The following TSHR variants were observed in gnomAD, a reference collection of about 807,000 sequenced individuals.
The protein encoded by TSHR is thyrotropin receptor.
A neutral mutation model predicts 64.1 loss-of-function variants in TSHR; 51 were observed. The observed-to-expected ratio is 0.80, with a 90% CI of 0.64 to 1.01. The LOEUF is 1.01. Among genes scored for constraint, TSHR ranks in the 50% least tolerant of loss-of-function variants. TSHR has a pLI of 0.00. For missense variants in TSHR, 877 were observed against 942.8 expected (o/e 0.93, Z 0.91); for synonymous variants, 361 against 361.9 (o/e 1.00, Z 0.03).
chr14:80,977,896 G>C (rs1887960135), intron 1 of TSHR, among the ~76,000 whole-genome samples: 4 of 151,980 alleles, frequency 2.6e-5, no homozygotes, highest in Admixed American at 2.6e-4. Flanking sequence ...TTAGTCTTCA[G>C]CTCTTTCTAA....
chr14:81,089,202 G>A (rs1888531944), intron 4 of TSHR, among the ~76,000 whole-genome samples: 1 of 152,036 alleles, frequency 6.6e-6, no homozygotes. Flanking sequence ...TGGCCAGGCT[G>A]GTGTCGAACT....
chr14:80,996,315 C>T (rs1345153202), intron 1 of TSHR, among the ~76,000 whole-genome samples: 1 of 152,142 alleles, frequency 6.6e-6, no homozygotes, highest in Non-Finnish European at 1.5e-5. Context: ...CATCCTCCCT[C>T]TTTCCTCCCA....
At chr14:80,978,777 C>T (rs1035144) in intron 1 of TSHR, among the ~76,000 whole-genome samples, 75,353 of 151,872 alleles carry the variant, frequency 0.5, 18,992 homozygotes, top group East Asian at 0.65. Context: ...CCCATTTTCT[C>T]TTTCATCTTC....
chr14:81,035,620 G>A (rs1453082333), intron 1 of TSHR, among the ~76,000 whole-genome samples: 3 of 152,190 alleles, frequency 2.0e-5, no homozygotes, highest in Non-Finnish European at 4.4e-5. Flanking sequence ...AATTACTGAT[G>A]TGAAGAAAAT....
At chr14:81,023,309 AG>A (rs535819938) in intron 1 of TSHR, among the ~76,000 whole-genome samples, 97 of 152,214 alleles carry the variant, frequency 6.4e-4, no homozygotes, top group African/African-American at 2.3e-3. Flanking sequence ...ATAAGGGGAA[AG>A]ACCCACCCCC....
At chr14:81,004,745 C>A (rs1889507224) in intron 1 of TSHR, among the ~76,000 whole-genome samples, 1 of 122,300 alleles carries the variant, frequency 8.2e-6, no homozygotes, top group Non-Finnish European at 1.9e-5. Flanking sequence ...GTCACAATAG[C>A]CTGCCTGCCC....
chr14:80,987,692 T>C (rs955524564), intron 1 of TSHR, among the ~76,000 whole-genome samples: 1 of 152,160 alleles, frequency 6.6e-6, no homozygotes, highest in Non-Finnish European at 1.5e-5. Context: ...GATGTTGCTA[T>C]GCCTCAGATA....
At chr14:80,986,832 T>C (rs1888481836) in intron 1 of TSHR, among the ~76,000 whole-genome samples, 1 of 152,234 alleles carries the variant, frequency 6.6e-6, no homozygotes, top group Non-Finnish European at 1.5e-5. Flanking sequence ...TATTAATTTG[T>C]CTGTATCATC....
At chr14:81,085,394 A>G (rs1458267853) in intron 3 of TSHR, among the ~76,000 whole-genome samples, 1 of 152,208 alleles carries the variant, frequency 6.6e-6, no homozygotes, top group Non-Finnish European at 1.5e-5. Context: ...GCCTTACCTC[A>G]GAAAGCAGCT....
chr14:81,096,567 T>C (rs1016832375), intron 6 of TSHR, 72 bp from the exon 7 acceptor site: 1 of 1,469,078 alleles, frequency 6.8e-7, no homozygotes, highest in African/African-American at 1.4e-5. Context: ...AGAAATATAG[T>C]CCAACTCTCC....
At chr14:81,087,899 G>A in intron 3 of TSHR, 55 bp from the exon 4 acceptor site, 2 of 1,288,130 alleles carry the variant, frequency 1.6e-6, no homozygotes, top group Non-Finnish European at 2.3e-6. Flanking sequence ...TTTTGTCTTT[G>A]ATAAGAACAG....
At chr14:80,983,289 C>A (rs1485691653) in intron 1 of TSHR, 14 of 1,172,126 alleles carry the variant, frequency 1.2e-5, no homozygotes, top group Non-Finnish European at 1.6e-5. Flanking sequence ...ACTAGGGCAA[C>A]TGACTACTGA....
chr14:81,059,677 T>C (rs1436073971), intron 1 of TSHR, among the ~76,000 whole-genome samples: 1 of 152,180 alleles, frequency 6.6e-6, no homozygotes, highest in Non-Finnish European at 1.5e-5. Context: ...ACTGTGCATA[T>C]TGTATTATTA....
chr14:81,011,790 G>A (rs942151491), intron 1 of TSHR, among the ~76,000 whole-genome samples: 1 of 152,016 alleles, frequency 6.6e-6, no homozygotes, highest in Non-Finnish European at 1.5e-5. Flanking sequence ...GTTTTCTCCT[G>A]CGGAGATTGC....
At position 80,983,969 on chromosome 14, in the gene TSHR, A is replaced by G. The variant is rs147014748; in HGVS notation, c.170+28119A>G. Among the ~76,000 whole-genome samples, 20 of 152,354 alleles carry G rather than the reference A, an allele frequency of 1.3e-4. 1 individual carries two copies. In the East Asian group the frequency reaches 3.9e-3, roughly 29 times the overall value. On this transcript the variant is annotated intron_variant, in intron 1 of 9. Transcript: ENST00000298171. ...TCCTTAGATCCATCTGTGGCTTAAAATGGCAAAAAAGAAAACATCCTTGAA... is the reference window on the plus strand; with the variant it reads ...TCCTTAGATCCATCTGTGGCTTAAAGTGGCAAAAAAGAAAACATCCTTGAA...
Position 80,966,991 on chromosome 14 carries a change from A to G in TSHR, c.170+11141A>G, listed in dbSNP as rs78687369. Among the ~76,000 whole-genome samples the G allele has an allele frequency of 3.4e-3, 516 of 152,252 alleles. 6 individuals carry two copies. The highest frequency in any genetic ancestry group is 0.012 in the African/African-American group (500 of 41,530). ...CACTCATAAACGAATTTCCTCCCAA[A>G]AGCCCCATCTTCTAATACTATCACA... On this transcript the variant is annotated intron_variant, in intron 1 of 9. Coordinates refer to ENST00000298171, the MANE Select transcript of TSHR (RefSeq NM_000369.5).
intron 8 of TSHR, among the ~76,000 whole-genome samples, chr14:81,134,382 C>T (rs544702344): frequency 1.3e-5 from 2 of 152,202 alleles, no homozygotes; most frequent in South Asian, 2.1e-4. Flanking sequence ...GTGATCCACC[C>T]GCCTCAGCCT....
Position 81,112,558 on chromosome 14 carries a change from C to T in TSHR, c.692+4106C>T, listed in dbSNP as rs776214327. Among the ~76,000 whole-genome samples the T allele has an allele frequency of 1.0e-3, 159 of 152,158 alleles. 3 individuals carry two copies. The highest frequency in any genetic ancestry group is 2.5e-4 in the Non-Finnish European group (17 of 68,034). ...ACCCAGCTGAAATTCTTTTCTTGCT[C>T]CCTCTCATTCCTATCCAATCCCAAC... is the stretch of plus-strand genomic sequence containing the variant. On this transcript the variant is annotated intron_variant, in intron 8 of 9. Coordinates refer to ENST00000298171, the MANE Select transcript of TSHR (RefSeq NM_000369.5).
At chr14:81,068,407 T>C (rs1416951854) in intron 3 of TSHR, 79 bp downstream of exon 3, 3 of 1,336,324 alleles carry the variant, frequency 2.2e-6, no homozygotes, top group Non-Finnish European at 3.2e-6. Flanking sequence ...CAGATGGCAA[T>C]GGGAGCTGGT....
Sources: gnomAD v4.1 joint callset for allele counts (sites outside exome capture counted in the v4.1 genomes callset) on GRCh38, gnomAD v4.1.1 for gene constraint, MANE v1.5 for transcripts, NCBI Gene and HGNC (gene_info 2026-07-23, HGNC 2026-07-21) for gene names.